The following SSBP2 variants were observed in gnomAD, a reference collection of about 807,000 sequenced individuals.
The protein encoded by SSBP2 is single-stranded DNA-binding protein 2.
SSBP2 carries 17 observed loss-of-function variants against 61.8 expected under a neutral mutation model. The observed-to-expected ratio is 0.28, with a 90% CI of 0.19 to 0.41. The LOEUF is 0.41. SSBP2 is among the 10% of genes least tolerant of loss of function. The pLI, the probability that SSBP2 is intolerant of heterozygous loss-of-function variation, is 1.00. For synonymous variants in SSBP2, 139 were observed against 141.3 expected (o/e 0.98, Z 0.12); for missense variants, 310 against 458.7 (o/e 0.68, Z 2.96).
At chr5:81,652,139 A>C (rs1406915454) in intron 1 of SSBP2, among the ~76,000 whole-genome samples, 2 of 152,186 alleles carry the variant, frequency 1.3e-5, no homozygotes, top group African/African-American at 4.8e-5. Context: ...AGAGTGAATG[A>C]AGCAGGGGCA....
At chr5:81,596,377 T>C (rs1247382761) in intron 4 of SSBP2, among the ~76,000 whole-genome samples, 5 of 132,986 alleles carry the variant, frequency 3.8e-5, no homozygotes, top group African/African-American at 1.5e-4. Flanking sequence ...TGCTCATGGA[T>C]AGGAAGAATC....
chr5:81,748,201 T>C (rs899394132), intron 1 of SSBP2, among the ~76,000 whole-genome samples: 1 of 152,194 alleles, frequency 6.6e-6, no homozygotes, highest in East Asian at 1.9e-4. Flanking sequence ...CTATTATTTA[T>C]AATAATGACT....
At chr5:81,604,546 T>C (rs1049539297) in intron 4 of SSBP2, among the ~76,000 whole-genome samples, 4 of 152,134 alleles carry the variant, frequency 2.6e-5, no homozygotes, top group African/African-American at 7.2e-5. Context: ...AGTTCCAATT[T>C]ATCCTTCTGC....
rs1761198039 is a variant in SSBP2 at position 81,413,104 on chromosome 5, T to C, written c.*7400A>G. 2 of 152,156 alleles carry C rather than the reference T, an allele frequency of 1.3e-5. No homozygotes were observed. Among genetic ancestry groups the C allele is most frequent in the Admixed American group, 6.5e-5 (1 of 15,280 alleles). 9.4% of individuals were successfully genotyped at this position (152,156 alleles called of 1,614,324 possible). A position where few individuals can be genotyped will look rare whatever the true frequency, so the allele number is the denominator to read the frequency against. On this transcript the variant is annotated 3_prime_UTR_variant, in exon 17 of 17. Transcript: ENST00000320672. ...CAAGTAATGAAGTACAGGCTAGAAA[T>C]GAAAGGGTAGGAACTGTATATGAAA...
At chr5:81,751,250 A>C (rs541254047), upstream of SSBP2, 62 of 591,544 alleles carry the variant, frequency 1.0e-4, no homozygotes, top group Middle Eastern at 8.4e-4. Flanking sequence ...GTGGCGGCTA[A>C]GCCTCAGCGG....
At chr5:81,524,836 G>A (rs77831644) in intron 4 of SSBP2, among the ~76,000 whole-genome samples, 2,344 of 152,030 alleles carry the variant, frequency 0.015, 49 homozygotes, top group African/African-American at 0.053. Context: ...TCTTTTCTTC[G>A]GCTATTTTGC....
intron 13 of SSBP2, among the ~76,000 whole-genome samples, chr5:81,440,959 AC>A (rs1762994527): frequency 6.6e-6 from 1 of 152,260 alleles, no homozygotes. Flanking sequence ...TATGATACTG[AC>A]AAATTTTCTA....
intron 4 of SSBP2, among the ~76,000 whole-genome samples, chr5:81,556,953 C>T (rs558673035): frequency 4.6e-5 from 7 of 152,232 alleles, no homozygotes; most frequent in East Asian, 1.9e-4. Context: ...TATAAAAAAG[C>T]TGTACATAAC....
intron 4 of SSBP2, among the ~76,000 whole-genome samples, chr5:81,583,175 C>T (rs1276682768): frequency 3.3e-5 from 5 of 152,136 alleles, no homozygotes; most frequent in Non-Finnish European, 7.4e-5. Flanking sequence ...TATGATCATG[C>T]TACTGCACTC....
In SSBP2 at chr5:81,446,896, T is replaced by C. The variant is rs1278419246; in HGVS notation, c.750A>G (p.Pro250=). The change falls in exon 12 of 17, where the codon CCA becomes CCG. Residue 250 remains proline (P), a synonymous_variant. Transcript: ENST00000320672. ...CTGGACTAGGCATGATGGGTGTTCC[T>C]GGTGGCCCTCCACCTCCTGGAGGAC... 4.4e-6 allele frequency: 7 copies of C among 1,607,616 alleles called. No individual in the cohort carries two copies. The highest frequency in any genetic ancestry group is 1.3e-5 in the African/African-American group (1 of 74,788).
At chr5:81,722,442 C>A (rs1561729111) in intron 1 of SSBP2, among the ~76,000 whole-genome samples, 1 of 140,164 alleles carries the variant, frequency 7.1e-6, no homozygotes, top group African/African-American at 2.6e-5. Context: ...CAGTTCAAAT[C>A]TTGCCACTTA....
intron 1 of SSBP2, among the ~76,000 whole-genome samples, chr5:81,678,683 A>C (rs182677711): frequency 6.6e-6 from 1 of 152,134 alleles, no homozygotes; most frequent in Non-Finnish European, 1.5e-5. Flanking sequence ...CCAAAGGAAT[A>C]AAACACTTTA....
At chr5:81,477,375 C>T (rs1337537937) in intron 6 of SSBP2, among the ~76,000 whole-genome samples, 1 of 152,178 alleles carries the variant, frequency 6.6e-6, no homozygotes, top group African/African-American at 2.4e-5. Context: ...TACTCTCCAA[C>T]ATCAATTCAA....
chr5:81,521,123 A>G (rs985299135), intron 4 of SSBP2, among the ~76,000 whole-genome samples: 3 of 152,074 alleles, frequency 2.0e-5, no homozygotes, highest in African/African-American at 4.8e-5. Context: ...AAATCAGAAA[A>G]AAAACTTTCT....
At chr5:81,608,912 T>G (rs570586503) in intron 4 of SSBP2, among the ~76,000 whole-genome samples, 10 of 152,246 alleles carry the variant, frequency 6.6e-5, no homozygotes, top group Non-Finnish European at 1.5e-4. Context: ...TTTTGATAAC[T>G]AGTTGGAGGT....
Position 81,445,138 on chromosome 5 carries a change from T to TATATATATATATATA in SSBP2, c.778+1729_778+1730insTATATATATATATAT, listed in dbSNP as rs1453692261. 5.9e-4 allele frequency among the ~76,000 whole-genome samples: 20 copies of TATATATATATATATA among 33,888 alleles called. 3 individuals are homozygous for TATATATATATATATA. Among genetic ancestry groups the TATATATATATATATA allele is most frequent in the East Asian group, 1.8e-3 (1 of 568 alleles). 22.2% of individuals were successfully genotyped at this position (33,888 alleles called of 152,430 possible). A position where few individuals can be genotyped will look rare whatever the true frequency, so the allele number is the denominator to read the frequency against. On this transcript the variant is annotated intron_variant, in intron 12 of 16. Coordinates refer to ENST00000320672, the MANE Select transcript of SSBP2 (RefSeq NM_012446.5). The stretch of plus-strand genomic sequence containing the variant: ...TGTCTCAGCAAAGAAAAAAAAAATT[T>TATATATATATATATA]TATATATATATATATATATATATAT...
At chr5:81,678,787 A>C (rs1173698729) in intron 1 of SSBP2, among the ~76,000 whole-genome samples, 1 of 152,162 alleles carries the variant, frequency 6.6e-6, no homozygotes, top group Non-Finnish European at 1.5e-5. Context: ...AAAAAATAAA[A>C]GAACGCCAAA....
At chr5:81,661,328 A>C (rs1163560964) in intron 1 of SSBP2, among the ~76,000 whole-genome samples, 3 of 152,192 alleles carry the variant, frequency 2.0e-5, no homozygotes, top group East Asian at 1.9e-4. Flanking sequence ...GAATGCAGAT[A>C]TCTCTCTGAC....
chr5:81,567,804 G>C (rs889451261), intron 4 of SSBP2, among the ~76,000 whole-genome samples: 1 of 152,200 alleles, frequency 6.6e-6, no homozygotes, highest in Non-Finnish European at 1.5e-5. Context: ...AGAGTCAAAG[G>C]AGATCATTTT....
Sources: gnomAD v4.1 joint callset for allele counts (sites outside exome capture counted in the v4.1 genomes callset) on GRCh38, gnomAD v4.1.1 for gene constraint, MANE v1.5 for transcripts, NCBI Gene and HGNC (gene_info 2026-07-23, HGNC 2026-07-21) for gene names.